The following CD47 variants were observed in gnomAD, a reference collection of about 807,000 sequenced individuals.
The protein encoded by CD47 is leukocyte surface antigen CD47.
In CD47, 11 loss-of-function variants were observed where a neutral mutation model predicts 44.6. The observed-to-expected ratio is 0.25, with a 90% CI of 0.16 to 0.41. The LOEUF is 0.41. Among genes scored for constraint, CD47 ranks in the 10% least tolerant of loss-of-function variants. The pLI, the probability that CD47 is intolerant of heterozygous loss-of-function variation, is 1.00. For synonymous variants in CD47, 140 were observed against 136.3 expected, an observed-to-expected ratio of 1.03 and a Z score of -0.19; for missense variants, 306 against 386.7, an observed-to-expected ratio of 0.79 and a Z score of 1.75.
At chr3:108,067,517 A>G (rs1287420602) in intron 3 of CD47, among the ~76,000 whole-genome samples, 20 of 152,362 alleles carry the variant, frequency 1.3e-4, no homozygotes, top group Non-Finnish European at 1.5e-5. Context: ...TCAGAGTGAG[A>G]AAGAAGAATC....
intron 3 of CD47, among the ~76,000 whole-genome samples, chr3:108,066,737 G>A (rs1036515318): frequency 1.2e-4 from 18 of 152,142 alleles, no homozygotes; most frequent in Non-Finnish European, 1.9e-4. Flanking sequence ...ACCATAAATG[G>A]AGTAAGAGAA....
rs139496085 is a variant in CD47, at chr3:108,090,841, C to T, written c.46+22G>A. The stretch of plus-strand genomic sequence containing the variant: ...GGGCGAAGCGACAGCAGCCGCAGGG[C>T]TGGGAGCGAGGAGCCACTCACCGCA... On this transcript the variant is annotated intron_variant, in intron 1 of 10. Coordinates refer to ENST00000361309, the MANE Select transcript of CD47 (RefSeq NM_001777.4). 9,267 of 1,484,874 alleles carry T rather than the reference C, an allele frequency of 6.2e-3. 49 individuals are homozygous for T. Among genetic ancestry groups the T allele is most frequent in the Non-Finnish European group, 7.2e-3 (8,098 of 1,122,854 alleles). The allele number at this position is 1,484,874 out of a possible 1,614,324, so 92.0% of individuals were successfully genotyped here.
intron 1 of CD47, among the ~76,000 whole-genome samples, chr3:108,081,578 C>T (rs2079418626): frequency 6.6e-6 from 1 of 151,912 alleles, no homozygotes; most frequent in Admixed American, 6.6e-5. Flanking sequence ...ATGTTCAAAA[C>T]ACCTGAGTAA....
chr3:108,076,978 T>C (rs1370487569), intron 2 of CD47, among the ~76,000 whole-genome samples: 1 of 152,184 alleles, frequency 6.6e-6, no homozygotes, highest in African/African-American at 2.4e-5. Flanking sequence ...AGAAAACAGC[T>C]TTCTAATTTC....
rs1005140363 is a variant in CD47, at chr3:108,044,887, C to G, written c.*2401G>C. 9 of 152,580 alleles carry G rather than the reference C, an allele frequency of 5.9e-5. No individual in the cohort carries two copies. The highest frequency in any genetic ancestry group is 2.2e-4 in the African/African-American group (9 of 41,434). 9.5% of individuals were successfully genotyped at this position (152,580 alleles called of 1,614,324 possible). On this transcript the variant is annotated 3_prime_UTR_variant, in exon 11 of 11. Coordinates refer to ENST00000361309, the MANE Select transcript of CD47 (RefSeq NM_001777.4). ...AAGAGTCAACAGCAGAAACTGGGAT[C>G]AGGGAGTAAAAAGCATATTATGGGA...
chr3:108,058,234 A>G (rs2108231861), intron 6 of CD47, 103 bp downstream of exon 6: 2 of 637,040 alleles, frequency 3.1e-6, no homozygotes, highest in East Asian at 3.3e-5. Flanking sequence ...AAAAAAAAAA[A>G]TCAAGTCTAT....
chr3:108,069,382 G>A lies in CD47; in HGVS notation c.490+1711C>T, dbSNP rs143566749. Among the ~76,000 whole-genome samples the A allele has an allele frequency of 2.2e-3, 340 of 151,944 alleles. 1 individual carries two copies. Among genetic ancestry groups the A allele is most frequent in the African/African-American group, 7.6e-3 (314 of 41,432 alleles). On this transcript the variant is annotated intron_variant, in intron 3 of 10. Coordinates refer to ENST00000361309, the MANE Select transcript of CD47 (RefSeq NM_001777.4). Reference sequence around the variant, plus strand: ...GAACGTACAAGCATATAAGCTGTACGAGTCCATTTATGGTTACCTTTTTTT... The same window carrying A: ...GAACGTACAAGCATATAAGCTGTACAAGTCCATTTATGGTTACCTTTTTTT...
chr3:108,054,916 T>C (rs1188796332), intron 7 of CD47, among the ~76,000 whole-genome samples: 4 of 152,140 alleles, frequency 2.6e-5, no homozygotes, highest in Non-Finnish European at 5.9e-5. Context: ...AATGAGAAAG[T>C]ATTGATCCTT....
chr3:108,064,135 T>C (rs1399687576), intron 3 of CD47, among the ~76,000 whole-genome samples: 1 of 152,224 alleles, frequency 6.6e-6, no homozygotes, highest in Non-Finnish European at 1.5e-5. Context: ...TAGATTACTT[T>C]ATTTGACAAT....
chr3:108,043,235 A>T lies in CD47; in HGVS notation c.*4053T>A, dbSNP rs1231741353. The T allele has an allele frequency of 6.6e-6, 1 of 152,596 alleles. No individual in the cohort carries two copies. Among genetic ancestry groups the T allele is most frequent in the Non-Finnish European group, 1.5e-5 (1 of 68,032 alleles). 9.5% of individuals were successfully genotyped at this position (152,596 alleles called of 1,614,324 possible). On this transcript the variant is annotated 3_prime_UTR_variant, in exon 11 of 11. Coordinates refer to ENST00000361309, the MANE Select transcript of CD47 (RefSeq NM_001777.4). ...TAAGCAACTTAAAAATACATTAATAAATTAAATTTTTCAGAAATGTGCTTG... is the reference window on the plus strand; with the variant it reads ...TAAGCAACTTAAAAATACATTAATATATTAAATTTTTCAGAAATGTGCTTG...
intron 2 of CD47, among the ~76,000 whole-genome samples, chr3:108,075,455 C>A (rs938253386): frequency 6.6e-6 from 1 of 152,218 alleles, no homozygotes. Context: ...TACACACACA[C>A]ACACACGCAT....
At chr3:108,086,214 G>A (rs2079518310) in intron 1 of CD47, among the ~76,000 whole-genome samples, 1 of 151,002 alleles carries the variant, frequency 6.6e-6, no homozygotes, top group African/African-American at 2.4e-5. Flanking sequence ...GTTTAGACTT[G>A]ATAACATAAA....
chr3:108,080,801 T>C (rs2079403348), intron 1 of CD47, among the ~76,000 whole-genome samples: 1 of 151,932 alleles, frequency 6.6e-6, no homozygotes. Context: ...GCTGAACTGA[T>C]ATGAAATTTA....
At chr3:108,051,164 G>A (rs965196296) in intron 8 of CD47, among the ~76,000 whole-genome samples, 1 of 152,108 alleles carries the variant, frequency 6.6e-6, no homozygotes, top group Non-Finnish European at 1.5e-5. Flanking sequence ...AAGCATATGT[G>A]ACCTCTACCT....
At chr3:108,079,741 T>G (rs908874133) in intron 2 of CD47, among the ~76,000 whole-genome samples, 5 of 151,768 alleles carry the variant, frequency 3.3e-5, no homozygotes, top group Non-Finnish European at 5.9e-5. Flanking sequence ...GACCAAAAGT[T>G]TGAGAACCAC....
At chr3:108,066,726 G>A (rs1240034767) in intron 3 of CD47, among the ~76,000 whole-genome samples, 2 of 152,182 alleles carry the variant, frequency 1.3e-5, no homozygotes, top group Non-Finnish European at 2.9e-5. Context: ...AATTTGAATA[G>A]ACCATAAATG....
intron 2 of CD47, among the ~76,000 whole-genome samples, chr3:108,077,635 A>G (rs1412419795): frequency 6.6e-6 from 1 of 152,134 alleles, no homozygotes; most frequent in Non-Finnish European, 1.5e-5. Context: ...CCAAACTTGG[A>G]AACAACCAAA....
intron 2 of CD47, among the ~76,000 whole-genome samples, chr3:108,074,210 A>G (rs764944860): frequency 7.9e-5 from 12 of 152,256 alleles, no homozygotes; most frequent in Non-Finnish European, 1.5e-4. Context: ...GAGATAGACT[A>G]GATGACTACT....
chr3:108,076,768 C>T (rs1253423745), intron 2 of CD47, among the ~76,000 whole-genome samples: 1 of 152,196 alleles, frequency 6.6e-6, no homozygotes, highest in Non-Finnish European at 1.5e-5. Context: ...TCTTATTCAT[C>T]ACAGAATCTG....
Sources: gnomAD v4.1 joint callset for allele counts (sites outside exome capture counted in the v4.1 genomes callset) on GRCh38, gnomAD v4.1.1 for gene constraint, MANE v1.5 for transcripts, NCBI Gene and HGNC (gene_info 2026-07-23, HGNC 2026-07-21) for gene names.